Variants in UPP2 observed in about 807,000 individuals in gnomAD.
UPP2 encodes the protein uridine phosphorylase 2.
UPP2 carries 23 observed loss-of-function variants against 26.7 expected under a neutral mutation model. That is an observed-to-expected ratio of 0.86 (90% CI 0.62 to 1.22). The LOEUF (loss-of-function observed/expected upper bound fraction) is 1.22. Among genes scored for constraint, UPP2 ranks in the 50% most tolerant of loss-of-function variants. The probability of loss-of-function intolerance (pLI) is 0.00; values close to 1 mark genes in which losing one functional copy is unlikely to be tolerated. For missense variants in UPP2, 387 were observed against 396.7 expected (o/e 0.98, Z 0.21); for synonymous variants, 127 against 141.3 (o/e 0.90, Z 0.72).
Position 158,134,805 on chromosome 2 carries a change from C to T in UPP2, c.869C>T (p.Pro290Leu), listed in dbSNP as rs768848188. 3.1e-5 allele frequency: 50 copies of T among 1,613,618 alleles called. No individual in the cohort carries two copies. Among genetic ancestry groups the T allele is most frequent in the Non-Finnish European group, 4.2e-5 (49 of 1,179,812 alleles). Residue 290 changes from proline to leucine, a missense_variant, in exon 7 of 7, where the codon CCT (proline) becomes CTT (leucine). Pro to Leu is a moderately conservative substitution (Grantham distance 98). Coordinates refer to ENST00000005756, the MANE Select transcript of UPP2 (RefSeq NM_173355.4). ...CTCGACTGTGATCAGATCAACTTGC[C>T]TCATGATGTCCTGGTGGAGTACCAG... ...DRLDCDQINLPHDVLVEYQQR... is the reference protein window; with the variant it reads ...DRLDCDQINLLHDVLVEYQQR...
upstream of UPP2, among the ~76,000 whole-genome samples, chr2:158,098,141 T>A (rs1683015748): frequency 6.6e-6 from 1 of 152,056 alleles, no homozygotes; most frequent in Admixed American, 6.6e-5. Flanking sequence ...TAAGGGAAAT[T>A]CACATAAGAC....
intron 4 of UPP2, 83 bp from the exon 5 acceptor site, chr2:158,121,326 A>C (rs996469490): frequency 1.6e-6 from 2 of 1,224,058 alleles, no homozygotes; most frequent in East Asian, 2.3e-5. Flanking sequence ...AGCTAGCATT[A>C]ATACTAGAAT....
intron 2 of UPP2, among the ~76,000 whole-genome samples, chr2:158,108,400 G>A (rs768307602): frequency 2.6e-5 from 4 of 152,094 alleles, no homozygotes; most frequent in South Asian, 4.2e-4. Flanking sequence ...AGGTTTCTCC[G>A]ATAAAAAAAT....
chr2:158,029,659 A>G (rs781537419), intron 3 of UPP2, among the ~76,000 whole-genome samples: 6 of 150,368 alleles, frequency 4.0e-5, no homozygotes, highest in Admixed American at 6.6e-5. Flanking sequence ...GGCACTCCTT[A>G]CCTATAAGGC....
intron 6 of UPP2, among the ~76,000 whole-genome samples, chr2:158,125,278 G>A (rs1683668734): frequency 6.6e-6 from 1 of 152,164 alleles, no homozygotes; most frequent in South Asian, 2.1e-4. Context: ...ATATTTCTAA[G>A]AATGCATTTT....
intron 3 of UPP2, among the ~76,000 whole-genome samples, chr2:158,020,657 A>C (rs1558905702): frequency 6.6e-6 from 1 of 152,322 alleles, no homozygotes; most frequent in East Asian, 1.9e-4. Flanking sequence ...CTCCAGGCAC[A>C]GGGCTGAGGT....
intron 2 of UPP2, among the ~76,000 whole-genome samples, chr2:158,006,338 G>A (rs900942587): frequency 2.6e-5 from 4 of 152,048 alleles, no homozygotes; most frequent in African/African-American, 9.7e-5. Flanking sequence ...GCGTGGTGGT[G>A]GGCGCCTGTA....
chr2:158,117,736 C>G (rs1683471289), intron 3 of UPP2, 88 bp from the exon 4 acceptor site: 1 of 984,952 alleles, frequency 1.0e-6, no homozygotes, highest in East Asian at 2.4e-5. Context: ...GTATCTGAGG[C>G]CTGTTAACTT....
At position 158,136,074 on chromosome 2, in the gene UPP2, T is replaced by G. The variant is rs569612232; in HGVS notation, c.*1184T>G. ...GAGTCTGAATTGGCCTGCTCCTGGG[T>G]GGGGAATGTCTTTCTCTTTCAAGCA... On this transcript the variant is annotated 3_prime_UTR_variant, in exon 7 of 7. Transcript: ENST00000005756. 1 of 152,072 alleles carries G rather than the reference T, an allele frequency of 6.6e-6. No homozygotes were observed. The highest frequency in any genetic ancestry group is 2.1e-4 in the South Asian group (1 of 4,800). The allele number at this position is 152,072 out of a possible 1,614,324, so 9.4% of individuals were successfully genotyped here.
At chr2:158,080,906 C>A (rs552191643) in intron 3 of UPP2, among the ~76,000 whole-genome samples, 20 of 152,220 alleles carry the variant, frequency 1.3e-4, no homozygotes, top group Admixed American at 1.1e-3. Context: ...CCAGAAACCT[C>A]AGTTATTTGT....
At chr2:158,105,698 T>G (rs1683178233) in intron 1 of UPP2, among the ~76,000 whole-genome samples, 2 of 152,218 alleles carry the variant, frequency 1.3e-5, no homozygotes, top group South Asian at 4.1e-4. Context: ...TAGTTTATAT[T>G]CCACAGCCTC....
intron 2 of UPP2, 50 bp downstream of exon 2, chr2:158,106,266 T>TG (rs1558932831): frequency 6.5e-7 from 1 of 1,541,120 alleles, no homozygotes; most frequent in African/African-American, 1.4e-5. Flanking sequence ...TCTCTACTAA[T>TG]TTTTCTTCTT....
upstream of UPP2, among the ~76,000 whole-genome samples, chr2:158,097,207 T>C (rs76283537): frequency 0.01 from 1,564 of 152,286 alleles, 29 homozygotes; most frequent in African/African-American, 0.035. Context: ...ACACTTCTTA[T>C]GTGGCGTTTC....
chr2:158,078,153 G>A lies in UPP2; in HGVS notation c.148-23887G>A, dbSNP rs113351071. On this transcript the variant is annotated intron_variant, in intron 3 of 9. Coordinates refer to the UPP2 transcript ENST00000605860. ...AATAACAAATGCTAGGAAGGATATG[G>A]AGAAAAGGAAACCCTTGTACACTGT... Among the ~76,000 whole-genome samples the A allele has an allele frequency of 3.8e-3, 582 of 152,184 alleles. 6 individuals are homozygous for A. Among genetic ancestry groups the A allele is most frequent in the African/African-American group, 0.013 (542 of 41,530 alleles).
At chr2:158,130,691 C>T (rs1481879861) in intron 6 of UPP2, among the ~76,000 whole-genome samples, 1 of 152,078 alleles carries the variant, frequency 6.6e-6, no homozygotes, top group Non-Finnish European at 1.5e-5. Flanking sequence ...AACTGGGGTC[C>T]AGGTATGTAT....
chr2:158,005,615 G>A (rs140276964), intron 2 of UPP2, among the ~76,000 whole-genome samples: 150 of 152,314 alleles, frequency 9.8e-4, no homozygotes, highest in African/African-American at 3.4e-3. Flanking sequence ...AGAATGGGAA[G>A]GAACGGGGAA....
In UPP2 at chr2:158,016,370, C is replaced by T. The variant is rs1413775290; in HGVS notation, c.147+484C>T. 5.3e-5 allele frequency among the ~76,000 whole-genome samples: 8 copies of T among 151,370 alleles called. No homozygotes were observed. The South Asian group carries it at 6.3e-4, about 12-fold the overall frequency. ...GATTTTTTTTTTTGAGACAGAATTT[C>T]GCTCATGTTGCCCAGGCTGGAGTGC... On this transcript the variant is annotated intron_variant, in intron 3 of 9. Transcript: ENST00000605860.
At chr2:158,102,249 C>A (rs1296577560) in intron 1 of UPP2, 124 bp downstream of exon 1, 11 of 931,058 alleles carry the variant, frequency 1.2e-5, no homozygotes, top group Non-Finnish European at 9.1e-6. Flanking sequence ...GATTATATCA[C>A]TGGATGCAGC....
In UPP2 at chr2:158,123,657, G is replaced by A; in HGVS notation, c.665-92G>A. On this transcript the variant is annotated intron_variant, in intron 5 of 6. Coordinates refer to ENST00000005756, the MANE Select transcript of UPP2 (RefSeq NM_173355.4). ...GAGCACGCTGTAGAGTTAGACAGCG[G>A]CAGCGTGCTCCAGCCAACAGCAAGC... 2.8e-6 allele frequency: 4 copies of A among 1,454,400 alleles called. No homozygotes were observed. The South Asian group carries it at 4.0e-5, about 14-fold the overall frequency. 90.1% of individuals were successfully genotyped at this position (1,454,400 alleles called of 1,614,324 possible). A position where few individuals can be genotyped will look rare whatever the true frequency, so the allele number is the denominator to read the frequency against.
Sources: allele counts gnomAD v4.1 joint callset (sites outside exome capture counted in the v4.1 genomes callset), GRCh38; gene constraint gnomAD v4.1.1; transcripts MANE v1.5; gene names NCBI Gene and HGNC (gene_info 2026-07-23, HGNC 2026-07-21).